Variants in UBE2E2 observed in about 807,000 individuals in gnomAD.
UBE2E2 encodes the protein ubiquitin conjugating enzyme E2 E2.
Under a neutral mutation model 24.7 loss-of-function variants are expected in UBE2E2, and 6 were observed. That is an observed-to-expected ratio of 0.24 (90% CI 0.13 to 0.48). The LOEUF is 0.48. Among genes scored for constraint, UBE2E2 ranks in the 20% least tolerant of loss-of-function variants. The pLI is 0.99. For synonymous variants in UBE2E2, 104 were observed against 83.6 expected (o/e 1.24, Z -1.33); for missense variants, 169 against 245.0 (o/e 0.69, Z 2.07).
intron 3 of UBE2E2, among the ~76,000 whole-genome samples, chr3:23,355,081 G>T (rs557765341): frequency 1.3e-5 from 2 of 152,054 alleles, no homozygotes; most frequent in Non-Finnish European, 2.9e-5. Context: ...CCTTTGTAGG[G>T]ACATGGATGA....
intron 3 of UBE2E2, among the ~76,000 whole-genome samples, chr3:23,252,960 T>C (rs948661310): frequency 2.6e-5 from 4 of 152,214 alleles, no homozygotes; most frequent in African/African-American, 9.7e-5. Context: ...ATGGCTGCTG[T>C]TTTCTAAATT....
chr3:23,285,337 G>A (rs1347085968), intron 3 of UBE2E2, among the ~76,000 whole-genome samples: 5 of 152,124 alleles, frequency 3.3e-5, no homozygotes, highest in Admixed American at 2.0e-4. Context: ...TGCAATAAAC[G>A]TGGGAATGCA....
At chr3:23,521,146 A>G (rs1694854818) in intron 4 of UBE2E2, among the ~76,000 whole-genome samples, 1 of 152,218 alleles carries the variant, frequency 6.6e-6, no homozygotes, top group African/African-American at 2.4e-5. Context: ...TTCCTGAAGG[A>G]TGGAGTAATC....
At chr3:23,295,637 T>C (rs1170183445) in intron 3 of UBE2E2, among the ~76,000 whole-genome samples, 1 of 152,118 alleles carries the variant, frequency 6.6e-6, no homozygotes, top group Non-Finnish European at 1.5e-5. Flanking sequence ...CGGTGGCTAG[T>C]GGAAGTTTGG....
At chr3:23,445,295 C>A (rs752885175) in intron 3 of UBE2E2, among the ~76,000 whole-genome samples, 1 of 152,128 alleles carries the variant, frequency 6.6e-6, no homozygotes, top group African/African-American at 2.4e-5. Flanking sequence ...TTGGTAGATA[C>A]CTCCTGGTAG....
chr3:23,342,187 G>GTT (rs71620774), intron 3 of UBE2E2, among the ~76,000 whole-genome samples: 14,141 of 141,630 alleles, frequency 0.1, 802 homozygotes, highest in East Asian at 0.13. Flanking sequence ...ATTTAGTTTA[G>GTT]TTTTTTTTTT....
intron 3 of UBE2E2, among the ~76,000 whole-genome samples, chr3:23,368,718 C>G (rs1165255305): frequency 6.6e-6 from 1 of 152,010 alleles, no homozygotes; most frequent in Admixed American, 6.6e-5. Context: ...AATACTCCTT[C>G]TTCAGCAGAT....
At chr3:23,271,858 C>A (rs1216322371) in intron 3 of UBE2E2, among the ~76,000 whole-genome samples, 1 of 151,678 alleles carries the variant, frequency 6.6e-6, no homozygotes, top group Non-Finnish European at 1.5e-5. Context: ...ATTGGTGCAT[C>A]CACGAACCCT....
chr3:23,302,322 C>A (rs939861397), intron 3 of UBE2E2, among the ~76,000 whole-genome samples: 3 of 152,170 alleles, frequency 2.0e-5, no homozygotes, highest in Admixed American at 1.3e-4. Flanking sequence ...ACCATATTTC[C>A]CACTGTGAAA....
At position 23,349,395 on chromosome 3, in the gene UBE2E2, G is replaced by A. The variant is rs1430332611; in HGVS notation, c.227+132083G>A. Reference sequence around the variant, plus strand: ...AGACAGTGGGCACAGGACAGTGGGTGCAGCACACTGTGCGCGACCCGAAGC... The same window carrying A: ...AGACAGTGGGCACAGGACAGTGGGTACAGCACACTGTGCGCGACCCGAAGC... On this transcript the variant is annotated intron_variant, in intron 3 of 5. Coordinates refer to ENST00000396703, the MANE Select transcript of UBE2E2 (RefSeq NM_152653.4). 3.9e-5 allele frequency among the ~76,000 whole-genome samples: 6 copies of A among 152,232 alleles called. No individual in the cohort carries two copies. In the East Asian group the frequency reaches 1.2e-3, roughly 29 times the overall value.
intron 5 of UBE2E2, among the ~76,000 whole-genome samples, chr3:23,577,861 A>G (rs1696380455): frequency 1.3e-5 from 2 of 152,132 alleles, no homozygotes; most frequent in South Asian, 2.1e-4. Flanking sequence ...CTCATTTACC[A>G]TTTCAAAAAT....
chr3:23,275,886 A>C (rs1422696651), intron 3 of UBE2E2, among the ~76,000 whole-genome samples: 1 of 152,112 alleles, frequency 6.6e-6, no homozygotes, highest in Admixed American at 6.6e-5. Flanking sequence ...CCGATTCATT[A>C]AAAATTTGAA....
intron 3 of UBE2E2, among the ~76,000 whole-genome samples, chr3:23,283,256 C>G (rs1200233228): frequency 6.6e-6 from 1 of 151,750 alleles, no homozygotes; most frequent in Non-Finnish European, 1.5e-5. Flanking sequence ...GGTGACTCTA[C>G]AGATGAAATT....
At chr3:23,515,358 A>G (rs1173871724) in intron 4 of UBE2E2, among the ~76,000 whole-genome samples, 1 of 152,132 alleles carries the variant, frequency 6.6e-6, no homozygotes, top group Non-Finnish European at 1.5e-5. Flanking sequence ...CATTTGGAGC[A>G]CTGTTGTTGA....
At chr3:23,548,907 GTTC>G (rs1464168487) in intron 5 of UBE2E2, among the ~76,000 whole-genome samples, 1 of 152,120 alleles carries the variant, frequency 6.6e-6, no homozygotes, top group Non-Finnish European at 1.5e-5. Context: ...GGTGGCTCCT[GTTC>G]TTCTGGTATG....
At chr3:23,302,619 C>T (rs192510515) in intron 3 of UBE2E2, among the ~76,000 whole-genome samples, 38 of 152,264 alleles carry the variant, frequency 2.5e-4, no homozygotes, top group Non-Finnish European at 4.4e-4. Context: ...TAGGCATCAG[C>T]TAATCATCTG....
chr3:23,441,777 C>G (rs1460035700), intron 3 of UBE2E2, among the ~76,000 whole-genome samples: 1 of 152,060 alleles, frequency 6.6e-6, no homozygotes, highest in Non-Finnish European at 1.5e-5. Flanking sequence ...CTGTACAACA[C>G]TTTAGGTGAT....
chr3:23,411,367 C>A (rs1697493513), intron 3 of UBE2E2, among the ~76,000 whole-genome samples: 1 of 152,124 alleles, frequency 6.6e-6, no homozygotes, highest in South Asian at 2.1e-4. Flanking sequence ...TTGTTTCAGG[C>A]TTCTAGACTT....
At chr3:23,450,877 G>T (rs1698548131) in intron 3 of UBE2E2, among the ~76,000 whole-genome samples, 1 of 152,072 alleles carries the variant, frequency 6.6e-6, no homozygotes, top group Admixed American at 6.6e-5. Context: ...TTATAATATG[G>T]TATTTACAAG....
Sources: allele counts gnomAD v4.1 joint callset (sites outside exome capture counted in the v4.1 genomes callset), GRCh38; gene constraint gnomAD v4.1.1; transcripts MANE v1.5; gene names NCBI Gene and HGNC (gene_info 2026-07-23, HGNC 2026-07-21).